TMEM132D: variants seen among roughly 807,000 people sequenced by gnomAD.
The protein encoded by TMEM132D is transmembrane protein 132D, also known as mature OL transmembrane protein.
In TMEM132D, 21 loss-of-function variants were observed where a neutral mutation model predicts 62.3. The ratio of observed to expected loss-of-function variants is 0.34; its 90% CI spans 0.24 to 0.49. TMEM132D has a LOEUF of 0.49. Ranked by LOEUF, TMEM132D falls within the 20% of genes least tolerant of loss-of-function variation. The pLI is 0.99. For synonymous variants in TMEM132D, 621 were observed against 575.6 expected, an observed-to-expected ratio of 1.08 and a Z score of -1.13; for missense variants, 1,346 against 1,402.8, an observed-to-expected ratio of 0.96 and a Z score of 0.65.
chr12:129,687,641 G>C (rs544020864), intron 2 of TMEM132D, among the ~76,000 whole-genome samples: 101 of 152,166 alleles, frequency 6.6e-4, no homozygotes, highest in Non-Finnish European at 1.2e-3. Flanking sequence ...ACTGACAAAG[G>C]CTGGACAGAT....
chr12:129,848,372 C>G (rs74716371), intron 1 of TMEM132D, among the ~76,000 whole-genome samples: 1,871 of 152,272 alleles, frequency 0.012, 40 homozygotes, highest in African/African-American at 0.042. Flanking sequence ...GACAATTTTT[C>G]TTCTTCGATA....
At chr12:129,426,367 C>A (rs12831245) in intron 3 of TMEM132D, among the ~76,000 whole-genome samples, 26,281 of 152,172 alleles carry the variant, frequency 0.17, 2,910 homozygotes, top group Non-Finnish European at 0.25. Flanking sequence ...TACGACCACA[C>A]CTAGGAGCAA....
At chr12:129,261,678 C>G (rs1013725945) in intron 4 of TMEM132D, among the ~76,000 whole-genome samples, 3 of 152,106 alleles carry the variant, frequency 2.0e-5, no homozygotes, top group Non-Finnish European at 4.4e-5. Context: ...TCCTGTGAGG[C>G]CTCTCTCCTT....
intron 2 of TMEM132D, among the ~76,000 whole-genome samples, chr12:129,679,776 TA>T (rs550218237): frequency 7.9e-5 from 12 of 151,726 alleles, no homozygotes; most frequent in Admixed American, 4.6e-4. Context: ...ATTTATATTT[TA>T]AAAAAAAATT....
chr12:129,885,536 C>A (rs567058450), intron 1 of TMEM132D, among the ~76,000 whole-genome samples: 1 of 152,320 alleles, frequency 6.6e-6, no homozygotes, highest in African/African-American at 2.4e-5. Flanking sequence ...TGGACTGTTG[C>A]AAAACTCTAG....
chr12:129,242,944 C>A (rs1332682609), intron 4 of TMEM132D, among the ~76,000 whole-genome samples: 1 of 92,204 alleles, frequency 1.1e-5, no homozygotes, highest in Non-Finnish European at 2.6e-5. Flanking sequence ...TATTTCTAAG[C>A]CAGAGGCAGC....
At chr12:129,555,344 G>A (rs763596191) in intron 2 of TMEM132D, among the ~76,000 whole-genome samples, 18 of 152,162 alleles carry the variant, frequency 1.2e-4, no homozygotes, top group African/African-American at 3.6e-4. Context: ...TACCTTTCAC[G>A]GAACAAGCCT....
intron 5 of TMEM132D, among the ~76,000 whole-genome samples, chr12:129,095,266 G>A (rs1875065063): frequency 6.6e-6 from 1 of 151,714 alleles, no homozygotes; most frequent in Admixed American, 6.6e-5. Context: ...GACTGTATTT[G>A]GAGGCAGGGT....
chr12:129,715,702 G>A (rs1171152119), intron 1 of TMEM132D, among the ~76,000 whole-genome samples: 6 of 152,148 alleles, frequency 3.9e-5, no homozygotes, highest in Admixed American at 1.3e-4. Flanking sequence ...TGATGTCCTC[G>A]ATTAATGAGT....
At chr12:129,609,946 C>T (rs1031350634) in intron 2 of TMEM132D, among the ~76,000 whole-genome samples, 3 of 152,174 alleles carry the variant, frequency 2.0e-5, no homozygotes, top group Non-Finnish European at 4.4e-5. Flanking sequence ...ACAGTGACAT[C>T]CTCTCTCCTT....
chr12:129,495,373 T>G (rs1408263344), intron 3 of TMEM132D, among the ~76,000 whole-genome samples: 2 of 152,118 alleles, frequency 1.3e-5, no homozygotes, highest in African/African-American at 4.8e-5. Flanking sequence ...GTGTCCACAG[T>G]GATGTCACTC....
At chr12:129,790,482 T>G (rs966863529) in intron 1 of TMEM132D, among the ~76,000 whole-genome samples, 5 of 152,292 alleles carry the variant, frequency 3.3e-5, no homozygotes, top group African/African-American at 1.2e-4. Flanking sequence ...GGAGTAGGGC[T>G]GTCCCCGGCT....
At chr12:129,649,266 T>C (rs1193786330) in intron 2 of TMEM132D, among the ~76,000 whole-genome samples, 1 of 152,182 alleles carries the variant, frequency 6.6e-6, no homozygotes, top group Non-Finnish European at 1.5e-5. Context: ...TCATCAGGAA[T>C]TGAATTCCAT....
At chr12:129,654,421 A>C (rs1218570613) in intron 2 of TMEM132D, among the ~76,000 whole-genome samples, 1 of 151,994 alleles carries the variant, frequency 6.6e-6, no homozygotes, top group Non-Finnish European at 1.5e-5. Context: ...TTTAAGCCTA[A>C]AGATGTACCG....
chr12:129,592,443 T>C (rs1252687122), intron 2 of TMEM132D, among the ~76,000 whole-genome samples: 1 of 152,238 alleles, frequency 6.6e-6, no homozygotes, highest in Non-Finnish European at 1.5e-5. Context: ...AACTGGTCTA[T>C]AGAATTTGGC....
At chr12:129,349,225 G>A (rs1185111131) in intron 3 of TMEM132D, among the ~76,000 whole-genome samples, 1 of 152,096 alleles carries the variant, frequency 6.6e-6, no homozygotes, top group East Asian at 1.9e-4. Flanking sequence ...TAGATGCTCC[G>A]GATATAACAC....
intron 2 of TMEM132D, among the ~76,000 whole-genome samples, chr12:129,577,906 T>C (rs1336046508): frequency 2.0e-5 from 3 of 152,134 alleles, no homozygotes; most frequent in Non-Finnish European, 4.4e-5. Flanking sequence ...TCTGGATGTG[T>C]CTGTGAAGGT....
At chr12:129,094,655 C>T (rs972799898) in intron 5 of TMEM132D, among the ~76,000 whole-genome samples, 3 of 152,122 alleles carry the variant, frequency 2.0e-5, no homozygotes, top group African/African-American at 2.4e-5. Flanking sequence ...CTAGAAATAC[C>T]ATTTGACCCA....
At position 129,700,046 on chromosome 12, in the gene TMEM132D, C is replaced by T. The variant is rs747998276; in HGVS notation, c.732G>A (p.Ala244=). 6.2e-7 allele frequency: 1 copy of T among 1,613,884 alleles called. No individual in the cohort carries two copies. The highest frequency in any genetic ancestry group is 1.1e-5 in the South Asian group (1 of 91,080). ...CTGTCCGGATCCCATTGCTTCTCCT[C>T]GCGTCTTCCCTGACGCAGTCCCCTC... ...GERGDCVRED[A]RRSNGIRTGH... is the part of the protein sequence containing the mutation. The change falls in exon 2 of 9, where the codon GCG becomes GCA. Residue 244 remains alanine (A), a synonymous_variant. Coordinates refer to ENST00000422113, the MANE Select transcript of TMEM132D (RefSeq NM_133448.3).
Sources: allele counts gnomAD v4.1 joint callset (sites outside exome capture counted in the v4.1 genomes callset), GRCh38; gene constraint gnomAD v4.1.1; transcripts MANE v1.5; gene names NCBI Gene and HGNC (gene_info 2026-07-23, HGNC 2026-07-21).